Variants in FSD2 observed in about 807,000 individuals in gnomAD.
FSD2 encodes the protein fibronectin type III and SPRY domain containing 2.
FSD2 carries 71 observed loss-of-function variants against 80.4 expected under a neutral mutation model. The ratio of observed to expected loss-of-function variants is 0.88; its 90% CI spans 0.73 to 1.08. The LOEUF (loss-of-function observed/expected upper bound fraction) is 1.08. Among genes scored for constraint, FSD2 ranks in the 50% least tolerant of loss-of-function variants. The probability of loss-of-function intolerance (pLI) is 0.00; values close to 1 mark genes in which losing one functional copy is unlikely to be tolerated. For synonymous variants in FSD2, 361 were observed against 329.5 expected, an observed-to-expected ratio of 1.10 and a Z score of -1.03; for missense variants, 923 against 913.8, an observed-to-expected ratio of 1.01 and a Z score of -0.13.
At chr15:82,792,899 T>A (rs1392776737) in intron 1 of FSD2, among the ~76,000 whole-genome samples, 3 of 152,252 alleles carry the variant, frequency 2.0e-5, no homozygotes, top group Non-Finnish European at 4.4e-5. Context: ...TTTGGGGTTT[T>A]TTTCTTGTGA....
chr15:82,802,478 C>T (rs1048034031), intron 1 of FSD2, among the ~76,000 whole-genome samples: 1 of 152,188 alleles, frequency 6.6e-6, no homozygotes, highest in Non-Finnish European at 1.5e-5. Flanking sequence ...CCTGCCTTCA[C>T]ACTCCTGTAT....
chr15:82,773,754 A>G (rs1172278435), intron 6 of FSD2, among the ~76,000 whole-genome samples: 1 of 152,220 alleles, frequency 6.6e-6, no homozygotes, highest in African/African-American at 2.4e-5. Context: ...CAATGGTAAA[A>G]AAAAATTAGA....
At chr15:82,798,083 T>A (rs955597332) in intron 1 of FSD2, among the ~76,000 whole-genome samples, 1 of 151,944 alleles carries the variant, frequency 6.6e-6, no homozygotes, top group African/African-American at 2.4e-5. Context: ...TGACACCCGT[T>A]ATCCAAGCAC....
At position 82,778,801 on chromosome 15, in the gene FSD2, A is replaced by C; in HGVS notation, c.1076T>G (p.Val359Gly). The change falls in exon 6 of 13, where the codon GTG (valine) becomes GGG (glycine). Residue 359 changes from valine (V) to glycine (G), a missense_variant. By Grantham distance (109) the Val-to-Gly change is moderately radical. Coordinates refer to ENST00000334574, the MANE Select transcript of FSD2 (RefSeq NM_001007122.4). ...GTTAATGGAGCCCATCAGCTGCTCC[A>C]CATCAGAGAAATCCAAGGTCTGGTC... ...FEDQTLDFSD[V>G]EQLMGSINTI... 6.2e-7 allele frequency: 1 copy of C among 1,613,808 alleles called. No homozygotes were observed. Among genetic ancestry groups the C allele is most frequent in the Non-Finnish European group, 8.5e-7 (1 of 1,179,802 alleles).
chr15:82,764,705 T>C (rs1474268791), intron 11 of FSD2, among the ~76,000 whole-genome samples: 2 of 152,062 alleles, frequency 1.3e-5, no homozygotes, highest in Non-Finnish European at 2.9e-5. Flanking sequence ...CTCAAACTCC[T>C]GACCTCAGGT....
chr15:82,785,007 G>A (rs768148161), intron 3 of FSD2, among the ~76,000 whole-genome samples: 4 of 152,128 alleles, frequency 2.6e-5, no homozygotes, highest in Admixed American at 6.6e-5. Context: ...TACCAAAAAC[G>A]GGATGGGTAT....
chr15:82,759,534 C>T lies in FSD2; in HGVS notation c.2064G>A (p.Lys688=). 6.2e-7 allele frequency: 1 copy of T among 1,608,834 alleles called. No individual in the cohort carries two copies. The highest frequency in any genetic ancestry group is 8.5e-7 in the Non-Finnish European group (1 of 1,177,064). Residue 688 remains lysine, a synonymous_variant, in exon 13 of 13, where the codon AAG becomes AAA. Coordinates refer to ENST00000334574, the MANE Select transcript of FSD2 (RefSeq NM_001007122.4). ...GTTCATAGTCTAATAGAATGCCAAT[C>T]TTCTTTGGTGGAACTGTTATTCTTA... ...PDIRITVPPK[K]IGILLDYEHS...
Position 82,759,101 on chromosome 15 carries a change from C to T in FSD2, c.*247G>A, listed in dbSNP as rs879197813. ...TGACAGCTTCAAAGACTTTTGAGTTCGTTTAGTCTGAGCCTTTATTTTACA... is the reference window on the plus strand; with the variant it reads ...TGACAGCTTCAAAGACTTTTGAGTTTGTTTAGTCTGAGCCTTTATTTTACA... On this transcript the variant is annotated 3_prime_UTR_variant, in exon 13 of 13. Transcript: ENST00000334574. 1.5e-5 allele frequency: 7 copies of T among 462,452 alleles called. No homozygotes were observed. Among genetic ancestry groups the T allele is most frequent in the East Asian group, 1.1e-4 (3 of 27,134 alleles). The allele number at this position is 462,452 out of a possible 1,614,324, so 28.6% of individuals were successfully genotyped here.
rs1489062184 is a variant in FSD2 at position 82,778,823 on chromosome 15, G to T, written c.1054C>A (p.Gln352Lys). 6 of 1,613,858 alleles carry T rather than the reference G, an allele frequency of 3.7e-6. No homozygotes were observed. The South Asian group carries it at 4.4e-5, about 12-fold the overall frequency. ...EISAQPEFED[Q>K]TLDFSDVEQL... ...TCCACATCAGAGAAATCCAAGGTCT[G>T]GTCTTCAAACTCAGGCTGTGCAGAG... The change falls in exon 6 of 13, where the codon CAG (glutamine) becomes AAG (lysine). Residue 352 changes from glutamine to lysine, a missense_variant. Gln to Lys is a moderately conservative substitution (Grantham distance 53). Transcript: ENST00000334574.
At chr15:82,759,982 C>G (rs1182673327) in intron 12 of FSD2, among the ~76,000 whole-genome samples, 1 of 152,008 alleles carries the variant, frequency 6.6e-6, no homozygotes, top group Non-Finnish European at 1.5e-5. Context: ...TTAGTAGAGA[C>G]AGGGTTTCAC....
intron 12 of FSD2, among the ~76,000 whole-genome samples, chr15:82,760,634 GTC>G (rs2049271265): frequency 6.6e-6 from 1 of 150,624 alleles, no homozygotes; most frequent in Admixed American, 6.6e-5. Context: ...CACCAATAAA[GTC>G]TAATACTATG....
intron 1 of FSD2, among the ~76,000 whole-genome samples, chr15:82,794,577 G>A (rs969229706): frequency 6.6e-6 from 1 of 152,140 alleles, no homozygotes; most frequent in African/African-American, 2.4e-5. Context: ...ATTACTGAAA[G>A]CAGAGTATTG....
rs2050001895 is a variant in FSD2 at position 82,786,530 on chromosome 15, T to A, written c.716A>T (p.Glu239Val). ...EMENFANHLEEVFITVEENFG... is the reference protein window; with the variant it reads ...EMENFANHLEVVFITVEENFG... ...TCTTACCTCCACAGTGATGAAAACCTCCTCCAAATGATTTGCAAAGTTTTC... is the reference window on the plus strand; with the variant it reads ...TCTTACCTCCACAGTGATGAAAACCACCTCCAAATGATTTGCAAAGTTTTC... Residue 239 changes from glutamate (E) to valine (V), a missense_variant, in exon 3 of 13, where the codon GAG (glutamate) becomes GTG (valine). By Grantham distance (121) the Glu-to-Val change is moderately radical (BLOSUM62 -2). Coordinates refer to ENST00000334574, the MANE Select transcript of FSD2 (RefSeq NM_001007122.4). The A allele has an allele frequency of 2.5e-6, 4 of 1,613,290 alleles. No individual in the cohort carries two copies. Among genetic ancestry groups the A allele is most frequent in the African/African-American group, 1.3e-5 (1 of 74,926 alleles).
intron 1 of FSD2, among the ~76,000 whole-genome samples, chr15:82,801,946 GC>G (rs2050423599): frequency 6.6e-6 from 1 of 152,172 alleles, no homozygotes; most frequent in Admixed American, 6.5e-5. Flanking sequence ...GTTTCCAGAG[GC>G]AGCATCGCAA....
chr15:82,768,745 A>G (rs1567301919), intron 9 of FSD2, 135 bp downstream of exon 9: 1 of 786,620 alleles, frequency 1.3e-6, no homozygotes, highest in Non-Finnish European at 1.7e-6. Context: ...TCTCATGAAC[A>G]CTAAGCAACC....
chr15:82,768,439 C>A (rs568517763), intron 9 of FSD2, among the ~76,000 whole-genome samples: 1 of 152,330 alleles, frequency 6.6e-6, no homozygotes, highest in African/African-American at 2.4e-5. Flanking sequence ...ATTTCTTTTT[C>A]CTTCCTAGCA....
At chr15:82,788,989 A>C (rs1484202341) in intron 1 of FSD2, among the ~76,000 whole-genome samples, 4 of 152,116 alleles carry the variant, frequency 2.6e-5, no homozygotes, top group Non-Finnish European at 5.9e-5. Context: ...AAAAAAAAAA[A>C]AAAGTGTTCA....
At chr15:82,797,829 A>G (rs778724530) in intron 1 of FSD2, among the ~76,000 whole-genome samples, 2 of 152,030 alleles carry the variant, frequency 1.3e-5, no homozygotes, top group Non-Finnish European at 2.9e-5. Flanking sequence ...AATAATAATT[A>G]TTATTATTTA....
In FSD2 at chr15:82,772,106, C is replaced by T. The variant is rs769242048; in HGVS notation, c.1234G>A (p.Val412Met). ...VESYQLSYRP[V>M]QDSSPGTDQA... is the part of the protein sequence containing the mutation. Reference sequence around the variant, plus strand: ...TCCGTCCCAGGTGAGCTGTCCTGCACTGGCCGGTAGGACAGCTGATAGCTC... The same window carrying T: ...TCCGTCCCAGGTGAGCTGTCCTGCATTGGCCGGTAGGACAGCTGATAGCTC... Residue 412 changes from valine (V) to methionine (M), a missense_variant, in exon 7 of 13, where the codon GTG becomes ATG. Coordinates refer to ENST00000334574, the MANE Select transcript of FSD2 (RefSeq NM_001007122.4). 6 of 1,602,252 alleles carry T rather than the reference C, an allele frequency of 3.7e-6. No individual in the cohort carries two copies. The South Asian group carries it at 6.8e-5, about 18-fold the overall frequency.
Sources: allele counts gnomAD v4.1 joint callset (sites outside exome capture counted in the v4.1 genomes callset), GRCh38; gene constraint gnomAD v4.1.1; transcripts MANE v1.5; gene names NCBI Gene and HGNC (gene_info 2026-07-23, HGNC 2026-07-21).